Variants in CA6 observed in about 807,000 individuals in gnomAD.
CA6 encodes the protein carbonic anhydrase 6.
CA6 carries 28 observed loss-of-function variants against 35.9 expected under a neutral mutation model. The observed-to-expected ratio is 0.78, with a 90% CI of 0.58 to 1.07. The LOEUF is 1.07. Ranked by LOEUF, CA6 falls within the 50% of genes least tolerant of loss-of-function variation. The pLI, the probability that CA6 is intolerant of heterozygous loss-of-function variation, is 0.00. For missense variants in CA6, 377 were observed against 382.0 expected, an observed-to-expected ratio of 0.99 and a Z score of 0.11; for synonymous variants, 148 against 152.6, an observed-to-expected ratio of 0.97 and a Z score of 0.22.
At chr1:8,948,184 A>C (rs1368007853) in intron 1 of CA6, among the ~76,000 whole-genome samples, 3 of 152,008 alleles carry the variant, frequency 2.0e-5, no homozygotes, top group Non-Finnish European at 4.4e-5. Flanking sequence ...TGTACTCACC[A>C]CACAGCTACC....
intron 2 of CA6, among the ~76,000 whole-genome samples, chr1:8,956,298 T>C (rs922881103): frequency 2.0e-5 from 3 of 152,192 alleles, no homozygotes; most frequent in African/African-American, 7.2e-5. Context: ...TCCTCATAGA[T>C]ATTTTTCTTA....
chr1:8,950,189 G>T (rs541209733), intron 2 of CA6, among the ~76,000 whole-genome samples: 2 of 152,078 alleles, frequency 1.3e-5, no homozygotes, highest in African/African-American at 2.4e-5. Context: ...CACCATGTTG[G>T]CCAGGCTGGT....
chr1:8,969,035 G>A (rs1264167247), intron 6 of CA6, among the ~76,000 whole-genome samples: 1 of 145,936 alleles, frequency 6.9e-6, no homozygotes, highest in African/African-American at 2.6e-5. Flanking sequence ...AAAAAAGTTT[G>A]CTGGGCACGG....
intron 2 of CA6, among the ~76,000 whole-genome samples, chr1:8,950,646 A>G (rs1639506799): frequency 6.6e-6 from 1 of 152,016 alleles, no homozygotes; most frequent in Admixed American, 6.6e-5. Flanking sequence ...AGGTGGGAGG[A>G]TCACTTGATG....
rs756727124 is a variant in CA6, at chr1:8,945,933, A to G, written c.47A>G (p.Gln16Arg). ...LLLSLFLLGG[Q>R]AQHVSDWTYS... is the part of the protein sequence containing the mutation. Reference sequence around the variant, plus strand: ...CTGTCCCTGTTCCTGCTGGGTGGCCAGGCCCAGCATGTGTCTGACTGGACC... The same window carrying G: ...CTGTCCCTGTTCCTGCTGGGTGGCCGGGCCCAGCATGTGTCTGACTGGACC... The change falls in exon 1 of 8, where the codon CAG (glutamine) becomes CGG (arginine). Residue 16 changes from glutamine to arginine, a missense_variant. By Grantham distance (43) the Gln-to-Arg change is conservative. Transcript: ENST00000377443. 19 of 1,613,734 alleles carry G rather than the reference A, an allele frequency of 1.2e-5. 1 individual carries two copies. In the South Asian group the frequency reaches 2.0e-4, roughly 17 times the overall value.
intron 2 of CA6, chr1:8,952,112 G>A (rs1639554510): frequency 6.6e-6 from 1 of 151,028 alleles, no homozygotes; most frequent in South Asian, 2.1e-4. Flanking sequence ...GAGCCACCAA[G>A]GCTGGCCATA....
At chr1:8,953,289 C>A (rs1639588545) in intron 2 of CA6, among the ~76,000 whole-genome samples, 1 of 152,138 alleles carries the variant, frequency 6.6e-6, no homozygotes. Flanking sequence ...GACATCCGGG[C>A]TGCTTCTCAG....
intron 7 of CA6, 50 bp from the exon 8 acceptor site, chr1:8,974,572 T>A (rs1468142897): frequency 6.8e-7 from 1 of 1,466,044 alleles, no homozygotes. Context: ...TCTGTTTTTG[T>A]GAGGACTGTA....
chr1:8,946,638 A>C (rs958316845), intron 1 of CA6, among the ~76,000 whole-genome samples: 2 of 151,892 alleles, frequency 1.3e-5, no homozygotes, highest in Admixed American at 6.6e-5. Context: ...GTGGAAAACA[A>C]AGTTCTTAGA....
At chr1:8,953,331 A>C in intron 2 of CA6, among the ~76,000 whole-genome samples, 1 of 151,994 alleles carries the variant, frequency 6.6e-6, no homozygotes, top group East Asian at 1.9e-4. Context: ...CTGTTATAAA[A>C]CCCATATGCA....
chr1:8,968,585 A>G (rs1305502609), intron 6 of CA6, among the ~76,000 whole-genome samples: 1 of 152,226 alleles, frequency 6.6e-6, no homozygotes, highest in Admixed American at 6.5e-5. Flanking sequence ...AATTAATATG[A>G]CATAAGAATG....
chr1:8,950,186 T>C (rs1053041784), intron 2 of CA6, among the ~76,000 whole-genome samples: 14 of 152,060 alleles, frequency 9.2e-5, no homozygotes, highest in African/African-American at 3.4e-4. Flanking sequence ...TTTCACCATG[T>C]TGGCCAGGCT....
At position 8,967,427 on chromosome 1, in the gene CA6, C is replaced by T. The variant is rs564401763; in HGVS notation, c.572-232C>T. Among the ~76,000 whole-genome samples the T allele has an allele frequency of 2.6e-5, 4 of 152,230 alleles. No homozygotes were observed. In the South Asian group the frequency reaches 8.3e-4, roughly 32 times the overall value. ...TGAGAAAATGGCCGCAGGGTGAGCA[C>T]CCGGCCAAGAGCACTCAGCCAGGAG... On this transcript the variant is annotated intron_variant, in intron 5 of 7. Transcript: ENST00000377443.
chr1:8,948,259 A>G (rs1160391741), intron 1 of CA6, among the ~76,000 whole-genome samples: 1 of 152,102 alleles, frequency 6.6e-6, no homozygotes, highest in Non-Finnish European at 1.5e-5. Flanking sequence ...CCACAGCTGT[A>G]TGGGAGCCAA....
chr1:8,949,786 G>T (rs530589787), intron 2 of CA6, among the ~76,000 whole-genome samples: 11 of 152,182 alleles, frequency 7.2e-5, no homozygotes, highest in African/African-American at 2.7e-4. Flanking sequence ...CCATCACCTT[G>T]GGTCAGCTTT....
intron 5 of CA6, among the ~76,000 whole-genome samples, chr1:8,967,255 G>A (rs148466589): frequency 0.012 from 1,826 of 152,280 alleles, 21 homozygotes; most frequent in Middle Eastern, 0.041. Context: ...ATCATAAAAT[G>A]TGTCCTCTGC....
rs1220282568 is a variant in CA6 at position 8,962,494 on chromosome 1, C to G, written c.502-93C>G. ...GCCTCTCCTTACTCTCTAGGCTCGGCCCAATCCGCTAGAAAGCTGAGTGGC... is the reference window on the plus strand; with the variant it reads ...GCCTCTCCTTACTCTCTAGGCTCGGGCCAATCCGCTAGAAAGCTGAGTGGC... On this transcript the variant is annotated intron_variant, in intron 4 of 7. Coordinates refer to ENST00000377443, the MANE Select transcript of CA6 (RefSeq NM_001215.4). 4.0e-5 allele frequency: 42 copies of G among 1,059,778 alleles called. No individual in the cohort carries two copies. The East Asian group carries it at 7.1e-4, about 18-fold the overall frequency. The allele number at this position is 1,059,778 out of a possible 1,614,324, so 65.6% of individuals were successfully genotyped here.
intron 4 of CA6, 86 bp from the exon 5 acceptor site, chr1:8,962,501 C>T (rs539416496): frequency 3.0e-5 from 34 of 1,129,138 alleles, no homozygotes; most frequent in South Asian, 1.2e-4. Context: ...CGGCCCAATC[C>T]GCTAGAAAGC....
intron 6 of CA6, 23 bp from the exon 7 acceptor site, chr1:8,970,844 T>A (rs762034029): frequency 1.4e-5 from 20 of 1,400,196 alleles, no homozygotes; most frequent in Non-Finnish European, 2.0e-5. Flanking sequence ...TTCCCCTCCA[T>A]AATGCACTCA....
Sources: allele counts gnomAD v4.1 joint callset (sites outside exome capture counted in the v4.1 genomes callset), GRCh38; gene constraint gnomAD v4.1.1; transcripts MANE v1.5; gene names NCBI Gene and HGNC (gene_info 2026-07-23, HGNC 2026-07-21).